Variants in CRISP2 observed in about 807,000 individuals in gnomAD.
CRISP2 encodes cysteine-rich secretory protein 2.
A neutral mutation model predicts 31.7 loss-of-function variants in CRISP2; 29 were observed. The ratio of observed to expected loss-of-function variants is 0.92; its 90% CI spans 0.68 to 1.25. CRISP2 has a LOEUF of 1.25. Among genes scored for constraint, CRISP2 ranks in the 50% most tolerant of loss-of-function variants. CRISP2 has a pLI of 0.00. For synonymous variants in CRISP2, 111 were observed against 101.4 expected (o/e 1.09, Z -0.57); for missense variants, 318 against 286.5 (o/e 1.11, Z -0.79).
downstream of CRISP2, among the ~76,000 whole-genome samples, chr6:49,687,576 C>T (rs2127377674): frequency 6.6e-6 from 1 of 152,244 alleles, no homozygotes; most frequent in Admixed American, 6.5e-5. Context: ...GGCAAATGAC[C>T]ACACAGTACC....
the CRISP2 span, among the ~76,000 whole-genome samples, chr6:49,677,170 A>G: frequency 6.6e-6 from 1 of 152,096 alleles, no homozygotes. Context: ...TAATCATGCA[A>G]GAGTCTCTTA....
the CRISP2 span, among the ~76,000 whole-genome samples, chr6:49,681,368 C>G: frequency 6.6e-6 from 1 of 152,002 alleles, no homozygotes; most frequent in African/African-American, 2.4e-5. Context: ...TGTTTTTGTA[C>G]TTACCAGTAT....
At chr6:49,681,465 T>C in the CRISP2 span, among the ~76,000 whole-genome samples, 1 of 152,166 alleles carries the variant, frequency 6.6e-6, no homozygotes, top group African/African-American at 2.4e-5. Context: ...CATAATAATA[T>C]TAGTATATAG....
At chr6:49,701,895 T>C (rs1765971840) in intron 4 of CRISP2, among the ~76,000 whole-genome samples, 1 of 83,416 alleles carries the variant, frequency 1.2e-5, no homozygotes, top group Non-Finnish European at 2.1e-5. Flanking sequence ...TTATATATTA[T>C]TATATATTAT....
the CRISP2 span, among the ~76,000 whole-genome samples, chr6:49,678,281 A>C: frequency 0.74 from 112,023 of 152,078 alleles, 42,067 homozygotes; most frequent in East Asian, 0.98. Context: ...GCTTATATAA[A>C]CTGATTGGGT....
chr6:49,712,794 C>T (rs360547), intron 1 of CRISP2, among the ~76,000 whole-genome samples, 190 bp from the exon 2 acceptor site: 26,198 of 152,008 alleles, frequency 0.17, 2,923 homozygotes, highest in African/African-American at 0.32. Flanking sequence ...TATTTCAACG[C>T]CCTGATATTT....
chr6:49,696,811 C>G (rs1764842897), intron 8 of CRISP2, among the ~76,000 whole-genome samples: 2 of 151,998 alleles, frequency 1.3e-5, no homozygotes, highest in Admixed American at 6.6e-5. Flanking sequence ...TAGAATATAG[C>G]TGTGTGTGTA....
downstream of CRISP2, among the ~76,000 whole-genome samples, chr6:49,688,287 G>A (rs802072): frequency 0.59 from 89,500 of 152,096 alleles, 26,905 homozygotes; most frequent in East Asian, 0.8. Context: ...TTAGAAAAGC[G>A]TGTTTGTTTT....
the CRISP2 span, among the ~76,000 whole-genome samples, chr6:49,683,626 T>G: frequency 7.9e-6 from 1 of 126,514 alleles, no homozygotes; most frequent in Non-Finnish European, 1.6e-5. Context: ...ATCATGCCAC[T>G]GCACTCCAGC....
At chr6:49,692,101 A>G (rs573197288), downstream of CRISP2, among the ~76,000 whole-genome samples, 1 of 152,202 alleles carries the variant, frequency 6.6e-6, no homozygotes, top group Non-Finnish European at 1.5e-5. Flanking sequence ...AATCAACTAA[A>G]CCAGTAGGGA....
chr6:49,707,660 T>C (rs1198888727), intron 4 of CRISP2, among the ~76,000 whole-genome samples: 1 of 152,194 alleles, frequency 6.6e-6, no homozygotes, highest in African/African-American at 2.4e-5. Context: ...ATTACAGTAA[T>C]ACAATGACTA....
chr6:49,702,565 T>C (rs546203272), intron 4 of CRISP2, among the ~76,000 whole-genome samples: 3 of 152,186 alleles, frequency 2.0e-5, no homozygotes, highest in Admixed American at 2.0e-4. Flanking sequence ...TTAATAATGT[T>C]GAGCAGCTTT....
At chr6:49,702,605 T>C (rs1393776093) in intron 4 of CRISP2, among the ~76,000 whole-genome samples, 1 of 152,084 alleles carries the variant, frequency 6.6e-6, no homozygotes, top group African/African-American at 2.4e-5. Flanking sequence ...TTTTCTATTT[T>C]ATTTTGAGAA....
Position 49,698,434 on chromosome 6 carries a change from A to G in CRISP2, c.345T>C (p.Tyr115=). 1.2e-6 allele frequency: 2 copies of G among 1,613,552 alleles called. No homozygotes were observed. Among genetic ancestry groups the G allele is most frequent in the Non-Finnish European group, 1.7e-6 (2 of 1,179,656 alleles). ...CATAGACAAAATCTAGGATCTCGTCATACCAGCTTTGGATTGCAGAAGACC... is the reference window on the plus strand; with the variant it reads ...CATAGACAAAATCTAGGATCTCGTCGTACCAGCTTTGGATTGCAGAAGACC... ...TSWSSAIQSW[Y]DEILDFVYGV... The change falls in exon 7 of 10, where the codon TAT becomes TAC. Residue 115 remains tyrosine, a synonymous_variant. Coordinates refer to ENST00000339139, the MANE Select transcript of CRISP2 (RefSeq NM_003296.4).
chr6:49,695,943 G>A lies in CRISP2; in HGVS notation c.516-19C>T, dbSNP rs768650642. 8.8e-5 allele frequency: 134 copies of A among 1,520,276 alleles called. No homozygotes were observed. The highest frequency in any genetic ancestry group is 1.2e-4 in the Non-Finnish European group (127 of 1,098,232). The allele number at this position is 1,520,276 out of a possible 1,614,324, so 94.2% of individuals were successfully genotyped here. A position where few individuals can be genotyped will look rare whatever the true frequency, so the allele number is the denominator to read the frequency against. On this transcript the variant is annotated intron_variant, in intron 8 of 9. Transcript: ENST00000339139. ...ATTACCACTGAAATTTGAAATACATGTCAAATATTTTTCACTTTACTGTTT... is the reference window on the plus strand; with the variant it reads ...ATTACCACTGAAATTTGAAATACATATCAAATATTTTTCACTTTACTGTTT...
rs1293697826 is a variant in CRISP2 at position 49,702,156 on chromosome 6, T to TGTGTAC, written c.67-1373_67-1372insGTACAC. On this transcript the variant is annotated intron_variant, in intron 4 of 9. Transcript: ENST00000339139. ...TATGTGTACTATATATATATATATATATATATATATATATATATATATATA... is the reference window on the plus strand; with the variant it reads ...TATGTGTACTATATATATATATATATGTGTACATATATATATATATATATATATATA... Among the ~76,000 whole-genome samples the TGTGTAC allele has an allele frequency of 9.1e-5, 6 of 66,264 alleles. 1 individual carries two copies. Among genetic ancestry groups the TGTGTAC allele is most frequent in the African/African-American group, 3.8e-4 (6 of 15,992 alleles). 43.5% of individuals were successfully genotyped at this position (66,264 alleles called of 152,430 possible).
chr6:49,691,542 T>C (rs1764054582), downstream of CRISP2, among the ~76,000 whole-genome samples: 1 of 152,016 alleles, frequency 6.6e-6, no homozygotes, highest in South Asian at 2.1e-4. Context: ...ATTTACTAAA[T>C]GTTTGTTTAA....
At chr6:49,680,411 AT>A in the CRISP2 span, among the ~76,000 whole-genome samples, 1 of 152,128 alleles carries the variant, frequency 6.6e-6, no homozygotes, top group Non-Finnish European at 1.5e-5. Context: ...ATTGATGGGC[AT>A]TTAGGTTGAT....
chr6:49,704,687 G>A (rs972942419), intron 4 of CRISP2, among the ~76,000 whole-genome samples: 5 of 152,152 alleles, frequency 3.3e-5, no homozygotes, highest in Admixed American at 2.6e-4. Flanking sequence ...AAAGAGTCCT[G>A]TGATGTGATC....
Sources: allele counts gnomAD v4.1 joint callset (sites outside exome capture counted in the v4.1 genomes callset), GRCh38; gene constraint gnomAD v4.1.1; transcripts MANE v1.5; gene names NCBI Gene and HGNC (gene_info 2026-07-23, HGNC 2026-07-21).